ATG3: variants seen among roughly 807,000 people sequenced by gnomAD.
ATG3 encodes ubiquitin-like-conjugating enzyme ATG3.
In ATG3, 25 loss-of-function variants were observed where a neutral mutation model predicts 50.7. The observed-to-expected ratio is 0.49, with a 90% CI of 0.36 to 0.69. The LOEUF is 0.69. Among genes scored for constraint, ATG3 ranks in the 30% least tolerant of loss-of-function variants. The probability of loss-of-function intolerance (pLI) is 0.00; values close to 1 mark genes in which losing one functional copy is unlikely to be tolerated. For synonymous variants in ATG3, 119 were observed against 125.5 expected, an observed-to-expected ratio of 0.95 and a Z score of 0.34; for missense variants, 281 against 376.0, an observed-to-expected ratio of 0.75 and a Z score of 2.09.
At chr3:112,540,929 A>G (rs1437302082) in intron 7 of ATG3, among the ~76,000 whole-genome samples, 1 of 152,226 alleles carries the variant, frequency 6.6e-6, no homozygotes, top group Non-Finnish European at 1.5e-5. Flanking sequence ...TGCTCATGAA[A>G]TACAAAGCTT....
intron 5 of ATG3, among the ~76,000 whole-genome samples, chr3:112,546,795 A>C (rs1299396153): frequency 1.3e-5 from 2 of 152,250 alleles, no homozygotes. Flanking sequence ...CAGGCATGGA[A>C]AAGTCAAAGC....
chr3:112,543,871 G>A, intron 6 of ATG3, 186 bp downstream of exon 6: 1 of 442,056 alleles, frequency 2.3e-6, no homozygotes, highest in Non-Finnish European at 4.1e-6. Context: ...GGCAGCAGTA[G>A]TGTTTTGGTG....
rs1434301681 is a variant in ATG3 at position 112,550,263 on chromosome 3, C to CT, written c.165-2dup. ...CACTTTCAATTCTTCCCCTGTAGCC[C>CT]TTTAAAAACAGTGAAAAGCACCAAA... On this transcript the variant is annotated splice_acceptor_variant, in intron 3 of 11. Coordinates refer to ENST00000283290, the MANE Select transcript of ATG3 (RefSeq NM_022488.5). LOFTEE classifies it high-confidence loss of function. The CT allele has an allele frequency of 6.2e-7, 1 of 1,609,946 alleles. No homozygotes were observed. The highest frequency in any genetic ancestry group is 1.7e-5 in the Admixed American group (1 of 59,396).
At chr3:112,533,530 G>A in intron 11 of ATG3, 1 of 985,228 alleles carries the variant, frequency 1.0e-6, no homozygotes, top group Admixed American at 6.1e-5. Context: ...CCCACAGTCT[G>A]ATTAGACGTG....
chr3:112,545,968 A>C (rs1933357491), intron 5 of ATG3, among the ~76,000 whole-genome samples: 1 of 152,126 alleles, frequency 6.6e-6, no homozygotes, highest in African/African-American at 2.4e-5. Context: ...CAATTAGTTG[A>C]AGGCCTTGTA....
At position 112,561,953 on chromosome 3, in the gene ATG3, A is replaced by G; in HGVS notation, c.-425T>C. The G allele has an allele frequency of 4.6e-6, 1 of 216,276 alleles. No individual in the cohort carries two copies. Among genetic ancestry groups the G allele is most frequent in the South Asian group, 5.6e-5 (1 of 17,726 alleles). 13.4% of individuals were successfully genotyped at this position (216,276 alleles called of 1,614,324 possible). ...GTAGCTGCGCCGCCACCGGGGCCTCACGTGACACTAGACTCTCCCGGCACG... is the reference window on the plus strand; with the variant it reads ...GTAGCTGCGCCGCCACCGGGGCCTCGCGTGACACTAGACTCTCCCGGCACG... On this transcript the variant is annotated 5_prime_UTR_variant, in exon 1 of 12. Transcript: ENST00000283290.
At chr3:112,553,403 A>G (rs1933581173) in intron 2 of ATG3, 74 bp from the exon 3 acceptor site, 3 of 1,339,064 alleles carry the variant, frequency 2.2e-6, no homozygotes, top group Non-Finnish European at 2.1e-6. Context: ...GCAAGGTGGC[A>G]AAATACCAAA....
intron 2 of ATG3, 72 bp from the exon 3 acceptor site, chr3:112,553,401 G>A (rs1933581112): frequency 7.4e-7 from 1 of 1,356,144 alleles, no homozygotes; most frequent in Non-Finnish European, 1.1e-6. Flanking sequence ...GTGCAAGGTG[G>A]CAAAATACCA....
At chr3:112,536,920 CAAAAAAAAAAAAAAAAAAAAAAAAAA>C (rs56353465) in intron 9 of ATG3, among the ~76,000 whole-genome samples, 12 of 68,420 alleles carry the variant, frequency 1.8e-4, no homozygotes, top group East Asian at 5.0e-4. Flanking sequence ...GACTCCATCT[CAAAAAAAAAAAAAAAAAAAAAAAAAA>C]AAAAAAAAAA....
At chr3:112,549,910 T>C (rs1933483813) in intron 4 of ATG3, among the ~76,000 whole-genome samples, 1 of 151,984 alleles carries the variant, frequency 6.6e-6, no homozygotes, top group East Asian at 1.9e-4. Context: ...ATAGGTAGTA[T>C]GAATTTCATT....
chr3:112,544,632 C>T (rs111302839), intron 5 of ATG3, among the ~76,000 whole-genome samples: 1,175 of 102,966 alleles, frequency 0.011, 14 homozygotes, highest in African/African-American at 0.039. Flanking sequence ...CCAGCCTGGG[C>T]GACAAGAGCG....
Position 112,553,271 on chromosome 3 carries a change from A to C in ATG3, c.164+9T>G, listed in dbSNP as rs758593573. On this transcript the variant is annotated intron_variant, in intron 3 of 11. Coordinates refer to ENST00000283290, the MANE Select transcript of ATG3 (RefSeq NM_022488.5). ...ACTAATTTTCTATTCTTTACTCAATATTACTTACCATTGCCATGTTGGACA... is the reference window on the plus strand; with the variant it reads ...ACTAATTTTCTATTCTTTACTCAATCTTACTTACCATTGCCATGTTGGACA... 3 of 1,601,136 alleles carry C rather than the reference A, an allele frequency of 1.9e-6. No individual in the cohort carries two copies. The highest frequency in any genetic ancestry group is 2.6e-6 in the Non-Finnish European group (3 of 1,168,580).
At chr3:112,559,049 T>C (rs1193465590) in intron 1 of ATG3, among the ~76,000 whole-genome samples, 1 of 152,244 alleles carries the variant, frequency 6.6e-6, no homozygotes, top group Non-Finnish European at 1.5e-5. Flanking sequence ...AAGCTCTATG[T>C]ACAAACATTC....
intron 1 of ATG3, 55 bp from the exon 2 acceptor site, chr3:112,558,472 T>C (rs1448639553): frequency 2.0e-5 from 28 of 1,398,512 alleles, no homozygotes; most frequent in East Asian, 4.6e-5. Context: ...ATCAATTAAA[T>C]ATATTTTGGG....
intron 7 of ATG3, among the ~76,000 whole-genome samples, chr3:112,539,602 T>G (rs1438994239): frequency 1.3e-5 from 2 of 152,210 alleles, no homozygotes; most frequent in Admixed American, 6.5e-5. Context: ...TAATACTGTA[T>G]ATATTTTGCT....
At chr3:112,537,469 C>G (rs1030520871) in intron 9 of ATG3, 3 of 250,804 alleles carry the variant, frequency 1.2e-5, no homozygotes, top group African/African-American at 6.7e-5. Context: ...TTAAATTTCC[C>G]TCACATTTTG....
intron 5 of ATG3, 152 bp from the exon 6 acceptor site, chr3:112,544,258 G>A (rs1933313264): frequency 5.0e-6 from 3 of 603,902 alleles, no homozygotes; most frequent in South Asian, 2.5e-5. Flanking sequence ...GAACTCTAAT[G>A]AGAATAGTCA....
intron 4 of ATG3, among the ~76,000 whole-genome samples, chr3:112,549,863 G>A (rs2705522): frequency 0.16 from 23,850 of 149,888 alleles, 4,431 homozygotes; most frequent in African/African-American, 0.44. Flanking sequence ...ATGACACAAC[G>A]GATAATAACA....
chr3:112,548,135 C>T (rs1279979014), intron 5 of ATG3, among the ~76,000 whole-genome samples: 1 of 152,234 alleles, frequency 6.6e-6, no homozygotes, highest in Non-Finnish European at 1.5e-5. Flanking sequence ...AGCCAGATGA[C>T]GAGGTCAAGA....
Sources: gnomAD v4.1 joint callset for allele counts (sites outside exome capture counted in the v4.1 genomes callset) on GRCh38, gnomAD v4.1.1 for gene constraint, MANE v1.5 for transcripts, NCBI Gene and HGNC (gene_info 2026-07-23, HGNC 2026-07-21) for gene names.